Variants in SOX6 observed in about 807,000 individuals in gnomAD.
SOX6 encodes SRY-box transcription factor 6, also known as transcription factor SOX-6.
Under a neutral mutation model 97.8 loss-of-function variants are expected in SOX6, and 11 were observed. That is an observed-to-expected ratio of 0.11 (90% CI 0.07 to 0.19). The LOEUF is 0.19. Among genes scored for constraint, SOX6 ranks in the 10% least tolerant of loss-of-function variants. The pLI, the probability that SOX6 is intolerant of heterozygous loss-of-function variation, is 1.00. For missense variants in SOX6, 810 were observed against 1,039.5 expected (o/e 0.78, Z 3.04); for synonymous variants, 360 against 371.4 (o/e 0.97, Z 0.35).
chr11:16,681,211 A>C (rs1439748028), intron 3 of SOX6, among the ~76,000 whole-genome samples: 2 of 152,224 alleles, frequency 1.3e-5, no homozygotes, highest in Non-Finnish European at 2.9e-5. Context: ...AATTGGAAGT[A>C]AAACACTTCT....
At chr11:16,655,287 T>C (rs989869951) in intron 3 of SOX6, among the ~76,000 whole-genome samples, 1 of 152,204 alleles carries the variant, frequency 6.6e-6, no homozygotes, top group African/African-American at 2.4e-5. Flanking sequence ...TGCCCATACT[T>C]GATCCCAGCT....
intron 6 of SOX6, among the ~76,000 whole-genome samples, chr11:16,127,064 G>C (rs140528087): frequency 6.6e-6 from 1 of 151,920 alleles, no homozygotes; most frequent in Non-Finnish European, 1.5e-5. Context: ...AATATTTATT[G>C]CAAATTCTTA....
chr11:16,712,927 G>C (rs1346917611), intron 3 of SOX6, among the ~76,000 whole-genome samples: 1 of 152,128 alleles, frequency 6.6e-6, no homozygotes, highest in African/African-American at 2.4e-5. Flanking sequence ...ATGAAAGCCA[G>C]GTGTGACTGA....
intron 2 of SOX6, among the ~76,000 whole-genome samples, chr11:16,338,548 A>G (rs1251659991): frequency 1.3e-5 from 2 of 152,060 alleles, no homozygotes; most frequent in African/African-American, 4.8e-5. Flanking sequence ...TTCCAAATGC[A>G]GCTGCTATTT....
rs1321127213 is a variant in SOX6, at chr11:16,132,401, AAAAGAAAGAAAG to A, written c.778-20490_778-20479del. Among the ~76,000 whole-genome samples the A allele has an allele frequency of 1.7e-3, 74 of 43,830 alleles. 1 individual carries two copies. The highest frequency in any genetic ancestry group is 2.7e-3 in the Admixed American group (11 of 4,004). The allele number at this position is 43,830 out of a possible 152,430, so 28.8% of individuals were successfully genotyped here. A position where few individuals can be genotyped will look rare whatever the true frequency, so the allele number is the denominator to read the frequency against. On this transcript the variant is annotated intron_variant, in intron 6 of 15. Coordinates refer to ENST00000683767, the MANE Select transcript of SOX6 (RefSeq NM_001367873.1). Reference sequence around the variant, plus strand: ...AAGAAAGAAAGAAAGAAAGAAAGAAAAAAGAAAGAAAGAAAGAAAGAAAGAAAGAAAGAAAGA... The same window carrying A: ...AAGAAAGAAAGAAAGAAAGAAAGAAAAAAGAAAGAAAGAAAGAAAGAAAGA...
intron 1 of SOX6, among the ~76,000 whole-genome samples, chr11:16,428,612 G>A (rs903200562): frequency 3.9e-5 from 6 of 152,034 alleles, no homozygotes; most frequent in Non-Finnish European, 8.8e-5. Context: ...TTTTTGTCAG[G>A]TTTGTCATAG....
chr11:16,684,860 G>C (rs1302656737), intron 3 of SOX6, among the ~76,000 whole-genome samples: 3 of 152,192 alleles, frequency 2.0e-5, no homozygotes, highest in Non-Finnish European at 4.4e-5. Flanking sequence ...AGGCTGCACA[G>C]AAATCATGGT....
At chr11:16,738,440 C>G (rs1700807135) in exon 1 of SOX6, 1 of 400,678 alleles carries the variant, frequency 2.5e-6, no homozygotes, top group Non-Finnish European at 4.7e-6. Context: ...TACACATCCG[C>G]GGGAACGCTT....
At chr11:16,483,980 C>G (rs1180080677) in intron 4 of SOX6, 8 of 854,150 alleles carry the variant, frequency 9.4e-6, no homozygotes, top group Admixed American at 1.7e-5. Context: ...GCTGTGATCA[C>G]CTTGATCCTG....
At chr11:16,634,107 A>G in intron 3 of SOX6, among the ~76,000 whole-genome samples, 1 of 152,202 alleles carries the variant, frequency 6.6e-6, no homozygotes, top group South Asian at 2.1e-4. Context: ...TATTATAAAT[A>G]TGCTTAATGA....
At chr11:16,140,392 T>G (rs530251141) in intron 6 of SOX6, among the ~76,000 whole-genome samples, 1 of 152,320 alleles carries the variant, frequency 6.6e-6, no homozygotes, top group Admixed American at 6.5e-5. Context: ...TCCCTTTCAT[T>G]TAACTGGGAG....
intron 6 of SOX6, among the ~76,000 whole-genome samples, chr11:16,136,883 C>T (rs1468233255): frequency 6.6e-6 from 1 of 152,154 alleles, no homozygotes. Context: ...AGACCATAAA[C>T]CAATTTTCAT....
intron 3 of SOX6, chr11:16,311,252 T>C (rs990264682): frequency 6.6e-6 from 1 of 152,114 alleles, no homozygotes; most frequent in Non-Finnish European, 1.5e-5. Context: ...ATTTTTCTTT[T>C]TTAAAAGTTT....
chr11:16,044,966 G>GTCTATCTATCTATCTA lies in SOX6; in HGVS notation c.1623+1532_1623+1547dup, dbSNP rs67426027. On this transcript the variant is annotated intron_variant, in intron 12 of 15. Transcript: ENST00000683767. ...TATCTATCTATCTATCTGTCTATCT[G>GTCTATCTATCTATCTA]TCTATCTATCTATCTATCTATCTAT... 8.0e-4 allele frequency among the ~76,000 whole-genome samples: 121 copies of GTCTATCTATCTATCTA among 151,274 alleles called. 2 individuals carry two copies. Among genetic ancestry groups the GTCTATCTATCTATCTA allele is most frequent in the African/African-American group, 2.8e-3 (117 of 41,124 alleles).
intron 6 of SOX6, among the ~76,000 whole-genome samples, chr11:16,132,460 G>GA (rs1288971226): frequency 7.7e-6 from 1 of 130,658 alleles, no homozygotes; most frequent in Non-Finnish European, 1.6e-5. Flanking sequence ...AAGAAAGAAA[G>GA]AAAGAAAGAA....
chr11:16,141,193 C>A (rs905832437), intron 6 of SOX6, among the ~76,000 whole-genome samples: 2 of 151,992 alleles, frequency 1.3e-5, no homozygotes, highest in Non-Finnish European at 2.9e-5. Flanking sequence ...TGGTTCCAAG[C>A]AGCATTTGGA....
chr11:16,161,388 G>GTATATA (rs3059084), intron 6 of SOX6, among the ~76,000 whole-genome samples: 22 of 147,016 alleles, frequency 1.5e-4, no homozygotes, highest in Admixed American at 9.6e-4. Context: ...ATATAGTCTT[G>GTATATA]TATATATATA....
At chr11:16,559,675 C>T (rs1847786972) in intron 4 of SOX6, among the ~76,000 whole-genome samples, 2 of 152,068 alleles carry the variant, frequency 1.3e-5, no homozygotes, top group Non-Finnish European at 2.9e-5. Context: ...AAAACCCAAA[C>T]ACAAAAATGC....
intron 4 of SOX6, among the ~76,000 whole-genome samples, chr11:16,575,050 A>G (rs2133201295): frequency 6.6e-6 from 1 of 152,108 alleles, no homozygotes; most frequent in East Asian, 1.9e-4. Context: ...AAAAAATAAA[A>G]AAAAAAAAGG....
Sources: allele counts gnomAD v4.1 joint callset (sites outside exome capture counted in the v4.1 genomes callset), GRCh38; gene constraint gnomAD v4.1.1; transcripts MANE v1.5; gene names NCBI Gene and HGNC (gene_info 2026-07-23, HGNC 2026-07-21).